ARHGEF7: variants seen among roughly 807,000 people sequenced by gnomAD.
ARHGEF7 encodes the protein PAK-interacting exchange factor beta.
A neutral mutation model predicts 109.8 loss-of-function variants in ARHGEF7; 33 were observed. The observed-to-expected ratio is 0.30, with a 90% CI of 0.23 to 0.40. The LOEUF is 0.40. Ranked by LOEUF, ARHGEF7 falls within the 10% of genes least tolerant of loss-of-function variation. ARHGEF7 has a pLI of 1.00. For missense variants in ARHGEF7, 938 were observed against 1,098.5 expected, an observed-to-expected ratio of 0.85 and a Z score of 2.07; for synonymous variants, 458 against 424.6, an observed-to-expected ratio of 1.08 and a Z score of -0.97.
At chr13:111,291,194 C>A (rs940186903) in intron 18 of ARHGEF7, among the ~76,000 whole-genome samples, 12 of 152,260 alleles carry the variant, frequency 7.9e-5, no homozygotes, top group African/African-American at 2.9e-4. Flanking sequence ...GCATCCCCGC[C>A]TCTGCATGGA....
At chr13:111,165,358 T>C (rs1372192746) in intron 2 of ARHGEF7, among the ~76,000 whole-genome samples, 1 of 152,198 alleles carries the variant, frequency 6.6e-6, no homozygotes, top group African/African-American at 2.4e-5. Context: ...GGTAAGTCTT[T>C]CCAGTGCAGC....
At chr13:111,118,054 G>A (rs967926918) in intron 1 of ARHGEF7, among the ~76,000 whole-genome samples, 5 of 152,266 alleles carry the variant, frequency 3.3e-5, no homozygotes, top group Non-Finnish European at 7.3e-5. Flanking sequence ...TGCTGCAGGA[G>A]TGCCCTGACA....
chr13:111,195,648 G>A (rs1392067957), intron 2 of ARHGEF7, among the ~76,000 whole-genome samples: 1 of 152,184 alleles, frequency 6.6e-6, no homozygotes, highest in South Asian at 2.1e-4. Flanking sequence ...TCTGGTTGGG[G>A]GCTTCTGGCC....
intron 18 of ARHGEF7, among the ~76,000 whole-genome samples, chr13:111,290,058 A>G (rs2153623057): frequency 6.6e-6 from 1 of 152,358 alleles, no homozygotes; most frequent in Non-Finnish European, 1.5e-5. Context: ...AAGGTACTAC[A>G]TTTTTATAAT....
At chr13:111,290,140 T>C (rs1009251621) in intron 18 of ARHGEF7, among the ~76,000 whole-genome samples, 3 of 152,180 alleles carry the variant, frequency 2.0e-5, no homozygotes, top group African/African-American at 7.2e-5. Flanking sequence ...GAATTTGAGA[T>C]TTTTTTGTCA....
intron 2 of ARHGEF7, among the ~76,000 whole-genome samples, chr13:111,176,288 T>G (rs573838879): frequency 4.4e-4 from 67 of 152,344 alleles, no homozygotes; most frequent in African/African-American, 1.5e-3. Context: ...TGCTGCTATG[T>G]GGAGAATGAC....
chr13:111,115,677 G>A lies in ARHGEF7; in HGVS notation c.151G>A (p.Gly51Arg). Reference sequence around the variant, plus strand: ...CAGGCTGCTGGAGCGCCTGCTCCCCGGGACCATCGAGAAAGTAAGTCCCGG... The same window carrying A: ...CAGGCTGCTGGAGCGCCTGCTCCCCAGGACCATCGAGAAAGTAAGTCCCGG... ...LCRLLERLLP[G>R]TIEKVYPEPR... The change falls in exon 1 of 22, where the codon GGG (glycine) becomes AGG (arginine). Residue 51 changes from glycine (G) to arginine (R), a missense_variant. Transcript: ENST00000646102. The A allele has an allele frequency of 7.8e-7, 1 of 1,280,166 alleles. No homozygotes were observed. Among genetic ancestry groups the A allele is most frequent in the Admixed American group, 3.2e-5 (1 of 30,954 alleles). The allele number at this position is 1,280,166 out of a possible 1,614,324, so 79.3% of individuals were successfully genotyped here. A position where few individuals can be genotyped will look rare whatever the true frequency, so the allele number is the denominator to read the frequency against.
intron 8 of ARHGEF7, 29 bp from the exon 9 acceptor site, chr13:111,267,519 C>T: frequency 6.2e-7 from 1 of 1,612,634 alleles, no homozygotes; most frequent in South Asian, 1.1e-5. Context: ...AAACTGATGA[C>T]TATTTCCCTT....
intron 19 of ARHGEF7, among the ~76,000 whole-genome samples, chr13:111,298,652 G>T (rs1299476209): frequency 6.6e-6 from 1 of 152,248 alleles, no homozygotes; most frequent in Admixed American, 6.5e-5. Context: ...TTGCAGTCCT[G>T]TCTGAATCTT....
At chr13:111,153,240 C>T (rs1371562752) in intron 1 of ARHGEF7, among the ~76,000 whole-genome samples, 1 of 152,256 alleles carries the variant, frequency 6.6e-6, no homozygotes, top group African/African-American at 2.4e-5. Context: ...ACTCAAGCCG[C>T]CCGAGTTCTC....
chr13:111,266,942 C>A lies in ARHGEF7; in HGVS notation c.951-606C>A. ...ACACTGAGGCGGCACCACCAGGGGC[C>A]CTGATGCCCACAGCTTGTGCCGACT... On this transcript the variant is annotated intron_variant, in intron 8 of 21. Transcript: ENST00000646102. This position sits in a 1 kb window ranked among gnomAD's most constrained non-coding sequence, Gnocchi z 4.8. 2.2e-6 allele frequency: 1 copy of A among 455,206 alleles called. No homozygotes were observed. The highest frequency in any genetic ancestry group is 4.4e-6 in the Non-Finnish European group (1 of 226,088). The allele number at this position is 455,206 out of a possible 1,614,324, so 28.2% of individuals were successfully genotyped here.
intron 2 of ARHGEF7, among the ~76,000 whole-genome samples, chr13:111,192,086 T>C (rs1474935415): frequency 6.6e-6 from 1 of 152,188 alleles, no homozygotes; most frequent in Admixed American, 6.5e-5. Flanking sequence ...TAGTCTGGGA[T>C]ATTTCCTTCC....
In ARHGEF7 at chr13:111,255,539, C is replaced by T. The variant is rs1320667487; in HGVS notation, c.950+11245C>T. The stretch of plus-strand genomic sequence containing the variant: ...TCGGGGCCCTACTTGGCGTCTGGAG[C>T]TGAGTTCTCCTGCAGCCTCTGTTCT... On this transcript the variant is annotated intron_variant, in intron 8 of 21. Coordinates refer to ENST00000646102, the MANE Select transcript of ARHGEF7 (RefSeq NM_001354046.2). This position sits in a 1 kb window ranked among gnomAD's most constrained non-coding sequence, Gnocchi z 4.1. Among the ~76,000 whole-genome samples, 6 of 152,212 alleles carry T rather than the reference C, an allele frequency of 3.9e-5. No individual in the cohort carries two copies. The highest frequency in any genetic ancestry group is 1.4e-4 in the African/African-American group (6 of 41,458).
At chr13:111,129,460 A>G (rs572116597) in intron 1 of ARHGEF7, among the ~76,000 whole-genome samples, 1 of 152,378 alleles carries the variant, frequency 6.6e-6, no homozygotes, top group South Asian at 2.1e-4. Flanking sequence ...TATTGGAAGA[A>G]AATATTTGCA....
chr13:111,287,131 G>C (rs958308390), intron 17 of ARHGEF7, among the ~76,000 whole-genome samples: 10 of 152,198 alleles, frequency 6.6e-5, no homozygotes, highest in Admixed American at 1.3e-4. Flanking sequence ...GTGCTGGGGT[G>C]TTCATTCTTT....
chr13:111,115,006 G>A (rs2066642730), upstream of ARHGEF7: 2 of 151,842 alleles, frequency 1.3e-5, no homozygotes, highest in South Asian at 2.1e-4. Context: ...ATAAACAAAG[G>A]CTTCCGAGTG....
At chr13:111,157,023 T>C (rs1292548893) in intron 2 of ARHGEF7, among the ~76,000 whole-genome samples, 1 of 152,200 alleles carries the variant, frequency 6.6e-6, no homozygotes, top group Non-Finnish European at 1.5e-5. Flanking sequence ...GGTTAATATG[T>C]CAGCTGTTTT....
At position 111,255,848 on chromosome 13, in the gene ARHGEF7, C is replaced by T. The variant is rs1024859573; in HGVS notation, c.950+11554C>T. Among the ~76,000 whole-genome samples the T allele has an allele frequency of 6.6e-6, 1 of 152,120 alleles. No homozygotes were observed. Among genetic ancestry groups the T allele is most frequent in the African/African-American group, 2.4e-5 (1 of 41,406 alleles). On this transcript the variant is annotated intron_variant, in intron 8 of 21. Coordinates refer to ENST00000646102, the MANE Select transcript of ARHGEF7 (RefSeq NM_001354046.2). The surrounding 1 kb of genome is among the most constrained non-coding windows in gnomAD (Gnocchi z 4.1). ...TCATGGTGCTTTCTTTTCAGTGCTG[C>T]GTTTCTCTTGGCTCTGTCGTTTGGG...
At chr13:111,229,068 G>A (rs1009946260) in intron 5 of ARHGEF7, among the ~76,000 whole-genome samples, 7 of 151,974 alleles carry the variant, frequency 4.6e-5, no homozygotes, top group Admixed American at 6.5e-5. Flanking sequence ...GAGTGGGGAG[G>A]GCATTGCACC....
Sources: allele counts gnomAD v4.1 joint callset (sites outside exome capture counted in the v4.1 genomes callset), GRCh38; gene constraint gnomAD v4.1.1; non-coding constraint Gnocchi (gnomAD v3.1); transcripts MANE v1.5; gene names NCBI Gene and HGNC (gene_info 2026-07-23, HGNC 2026-07-21).